The following DTNB variants were observed in gnomAD, a reference collection of about 807,000 sequenced individuals.
DTNB encodes DTN-B.
In DTNB, 63 loss-of-function variants were observed where a neutral mutation model predicts 90.7. The observed-to-expected ratio is 0.69, with a 90% CI of 0.57 to 0.86. The LOEUF (loss-of-function observed/expected upper bound fraction) is 0.86. DTNB is among the 40% of genes least tolerant of loss of function. The pLI is 0.00. For missense variants in DTNB, 744 were observed against 807.1 expected, an observed-to-expected ratio of 0.92 and a Z score of 0.95; for synonymous variants, 277 against 286.7, an observed-to-expected ratio of 0.97 and a Z score of 0.34.
chr2:25,585,948 A>C (rs2062318478), intron 6 of DTNB, among the ~76,000 whole-genome samples: 1 of 152,230 alleles, frequency 6.6e-6, no homozygotes, highest in Non-Finnish European at 1.5e-5. Flanking sequence ...TGAAAATAAG[A>C]GTAATTTATA....
chr2:25,580,826 T>TA lies in DTNB; in HGVS notation c.604-1_604insT (p.Arg202Ter). The TA allele has an allele frequency of 6.2e-7, 1 of 1,609,252 alleles. No individual in the cohort carries two copies. The highest frequency in any genetic ancestry group is 8.5e-7 in the Non-Finnish European group (1 of 1,177,666). On this transcript the variant is annotated frameshift_variant and splice_region_variant. Coordinates refer to ENST00000406818, the MANE Select transcript of DTNB (RefSeq NM_021907.5). LOFTEE classifies it high-confidence loss of function. ...AAAAACATATTTAGCATTATCTTTC[T>TA]CTGTAAAGAGAAGAAAAACAAACAT...
intron 4 of DTNB, among the ~76,000 whole-genome samples, chr2:25,624,288 T>C (rs2073594478): frequency 6.6e-6 from 1 of 152,202 alleles, no homozygotes. Flanking sequence ...AAGCAAGCTG[T>C]GCTCTGACCA....
At chr2:25,400,108 A>T (rs2043348971) in intron 16 of DTNB, among the ~76,000 whole-genome samples, 1 of 152,186 alleles carries the variant, frequency 6.6e-6, no homozygotes, top group Admixed American at 6.5e-5. Context: ...ACTCTGTATA[A>T]GATGGAACTA....
At chr2:25,590,452 G>A (rs1295736692) in intron 6 of DTNB, among the ~76,000 whole-genome samples, 1 of 151,568 alleles carries the variant, frequency 6.6e-6, no homozygotes, top group Non-Finnish European at 1.5e-5. Flanking sequence ...AGGGTGTCCT[G>A]ACAAGTGTTC....
At chr2:25,514,443 T>C (rs1372444056) in intron 9 of DTNB, among the ~76,000 whole-genome samples, 1 of 152,094 alleles carries the variant, frequency 6.6e-6, no homozygotes, top group Admixed American at 6.6e-5. Context: ...TTGTATAGAC[T>C]TCGGCTTTTA....
At chr2:25,638,682 ATTGT>A (rs1010199951) in intron 3 of DTNB, among the ~76,000 whole-genome samples, 12 of 152,342 alleles carry the variant, frequency 7.9e-5, no homozygotes, top group Admixed American at 5.9e-4. Flanking sequence ...TATCAAAAAC[ATTGT>A]TTTTCTTTTC....
rs1426682670 is a variant in DTNB, at chr2:25,396,230, G to A, written c.1576-7869C>T. ...GGAGCTAAGCTATGAGAATGCAAAG[G>A]TGTAAGAATGATACACTGGTCTGCA... On this transcript the variant is annotated intron_variant, in intron 16 of 20. Coordinates refer to ENST00000406818, the MANE Select transcript of DTNB (RefSeq NM_021907.5). Among the ~76,000 whole-genome samples the A allele has an allele frequency of 2.6e-5, 4 of 152,318 alleles. No homozygotes were observed. The East Asian group carries it at 7.7e-4, about 29-fold the overall frequency.
At chr2:25,659,881 C>A (rs940807704) in intron 1 of DTNB, among the ~76,000 whole-genome samples, 3 of 151,950 alleles carry the variant, frequency 2.0e-5, no homozygotes, top group Admixed American at 2.0e-4. Flanking sequence ...ATAACAAAAC[C>A]CAACAAAGGC....
chr2:25,442,338 C>T (rs540480212), intron 12 of DTNB, among the ~76,000 whole-genome samples: 6 of 152,312 alleles, frequency 3.9e-5, no homozygotes, highest in African/African-American at 1.2e-4. Context: ...AGTCCAGAAA[C>T]GTTTCTCTTG....
intron 8 of DTNB, among the ~76,000 whole-genome samples, chr2:25,534,702 G>A (rs906673880): frequency 1.3e-5 from 2 of 148,332 alleles, no homozygotes; most frequent in Non-Finnish European, 3.0e-5. Context: ...CCCAGACAGG[G>A]TGGCGGGTGG....
chr2:25,484,080 A>G (rs1184845678), intron 9 of DTNB, among the ~76,000 whole-genome samples: 1 of 152,132 alleles, frequency 6.6e-6, no homozygotes, highest in African/African-American at 2.4e-5. Context: ...TACACCATAT[A>G]GCCTAGGCTA....
In DTNB at chr2:25,509,533, A is replaced by G. The variant is rs1024729087; in HGVS notation, c.1001+21940T>C. 1.1e-4 allele frequency among the ~76,000 whole-genome samples: 17 copies of G among 152,138 alleles called. No individual in the cohort carries two copies. In the South Asian group the frequency reaches 1.4e-3, roughly 13 times the overall value. On this transcript the variant is annotated intron_variant, in intron 9 of 20. Transcript: ENST00000406818. ...CTTGACAGGTATTTTCTCACTGGGT[A>G]TACAATTTTAGGATTATTATTTTCC...
Position 25,554,653 on chromosome 2 carries a change from G to C in DTNB, c.876+22185C>G, listed in dbSNP as rs568801847. On this transcript the variant is annotated intron_variant, in intron 8 of 20. Transcript: ENST00000406818. ...CTGTGTTTGGAAAAGTAGAAAATTA[G>C]AAACAAGCTAAATGTCAATCAATAG... 6.6e-5 allele frequency among the ~76,000 whole-genome samples: 10 copies of C among 152,256 alleles called. No homozygotes were observed. In the South Asian group the frequency reaches 2.1e-3, roughly 32 times the overall value.
chr2:25,627,659 G>C (rs2074531221), intron 4 of DTNB, among the ~76,000 whole-genome samples: 1 of 150,988 alleles, frequency 6.6e-6, no homozygotes, highest in Non-Finnish European at 1.5e-5. Flanking sequence ...ATATTCCAGA[G>C]TTTAATATAT....
At chr2:25,490,775 C>T (rs1394798052) in intron 9 of DTNB, among the ~76,000 whole-genome samples, 1 of 152,130 alleles carries the variant, frequency 6.6e-6, no homozygotes, top group African/African-American at 2.4e-5. Context: ...TAGCTAACAA[C>T]TACTGAGTGT....
intron 16 of DTNB, among the ~76,000 whole-genome samples, chr2:25,411,601 C>CTATAA (rs2046629381): frequency 1.3e-5 from 2 of 152,030 alleles, no homozygotes; most frequent in African/African-American, 4.8e-5. Context: ...GAGAGTCCTA[C>CTATAA]GTATAGCACA....
chr2:25,386,414 C>T (rs576324082), intron 18 of DTNB, among the ~76,000 whole-genome samples: 1 of 152,288 alleles, frequency 6.6e-6, no homozygotes, highest in South Asian at 2.1e-4. Flanking sequence ...TAAGCTACTT[C>T]AAGGTATTTA....
intron 9 of DTNB, among the ~76,000 whole-genome samples, chr2:25,523,511 C>T (rs572291521): frequency 4.6e-5 from 7 of 151,938 alleles, no homozygotes; most frequent in African/African-American, 1.7e-4. Flanking sequence ...CATGGTGGCA[C>T]GCACTTGTAG....
At chr2:25,543,720 T>C (rs2081847824) in intron 8 of DTNB, among the ~76,000 whole-genome samples, 1 of 152,232 alleles carries the variant, frequency 6.6e-6, no homozygotes, top group Non-Finnish European at 1.5e-5. Context: ...TCATTACTTG[T>C]TTCGTCTTTT....
Sources: allele counts gnomAD v4.1 joint callset (sites outside exome capture counted in the v4.1 genomes callset), GRCh38; gene constraint gnomAD v4.1.1; transcripts MANE v1.5; gene names NCBI Gene and HGNC (gene_info 2026-07-23, HGNC 2026-07-21).